CAMSAP1: variants seen among roughly 807,000 people sequenced by gnomAD.
The protein encoded by CAMSAP1 is calmodulin regulated spectrin associated protein 1, also known as calmodulin-regulated spectrin-associated protein 1.
A neutral mutation model predicts 143.5 loss-of-function variants in CAMSAP1; 58 were observed. The observed-to-expected ratio is 0.40, with a 90% CI of 0.33 to 0.50. The LOEUF is 0.50. Among genes scored for constraint, CAMSAP1 ranks in the 20% least tolerant of loss-of-function variants. The pLI is 0.45. For synonymous variants in CAMSAP1, 945 were observed against 859.3 expected (o/e 1.10, Z -1.74); for missense variants, 1,969 against 2,115.7 (o/e 0.93, Z 1.36).
At position 135,882,133 on chromosome 9, in the gene CAMSAP1, G is replaced by A. The variant is rs754258013; in HGVS notation, c.424-339C>T. ...GGAAAGGCGGTGCAGCTCCCAGGTCGTGGTTGTGGGAAGGCAGACAGGAGA... is the reference window on the plus strand; with the variant it reads ...GGAAAGGCGGTGCAGCTCCCAGGTCATGGTTGTGGGAAGGCAGACAGGAGA... On this transcript the variant is annotated intron_variant, in intron 2 of 16. Transcript: ENST00000389532. This position sits in a 1 kb window ranked among gnomAD's most constrained non-coding sequence, Gnocchi z 4.9. 7.9e-5 allele frequency among the ~76,000 whole-genome samples: 12 copies of A among 152,200 alleles called. No individual in the cohort carries two copies. In the East Asian group the frequency reaches 9.6e-4, roughly 12 times the overall value.
At chr9:135,827,733 T>C in intron 7 of CAMSAP1, 149 bp from the exon 8 acceptor site, 1 of 659,114 alleles carries the variant, frequency 1.5e-6, no homozygotes, top group Non-Finnish European at 2.4e-6. Context: ...AACAAATGTA[T>C]TCTGTAATAA....
rs1372141710 is a variant in CAMSAP1 at position 135,870,624 on chromosome 9, A to C, written c.586-4088T>G. Among the ~76,000 whole-genome samples, 4 of 152,076 alleles carry C rather than the reference A, an allele frequency of 2.6e-5. 1 individual carries two copies. The highest frequency in any genetic ancestry group is 5.9e-5 in the Non-Finnish European group (4 of 67,998). ...AGCCTGGCCAACATGGCAAAACCTTATCTCTACAAAAAATAAAAAAATTAC... is the reference window on the plus strand; with the variant it reads ...AGCCTGGCCAACATGGCAAAACCTTCTCTCTACAAAAAATAAAAAAATTAC... On this transcript the variant is annotated intron_variant, in intron 3 of 16. Transcript: ENST00000389532.
At chr9:135,899,070 G>A (rs1466902369) in intron 1 of CAMSAP1, among the ~76,000 whole-genome samples, 2 of 152,202 alleles carry the variant, frequency 1.3e-5, no homozygotes, top group Admixed American at 6.5e-5. Context: ...AGTGAAAGAA[G>A]TCAGATTAGA....
chr9:135,895,014 T>A (rs1339156225), intron 1 of CAMSAP1, among the ~76,000 whole-genome samples: 1 of 152,124 alleles, frequency 6.6e-6, no homozygotes, highest in Non-Finnish European at 1.5e-5. Flanking sequence ...GAAGACAGAA[T>A]CATTGACCTT....
intron 1 of CAMSAP1, among the ~76,000 whole-genome samples, chr9:135,902,785 G>C (rs996640919): frequency 6.6e-6 from 1 of 151,566 alleles, no homozygotes; most frequent in Non-Finnish European, 1.5e-5. Flanking sequence ...GAGGGGATCA[G>C]ACAATTCCTC....
intron 8 of CAMSAP1, among the ~76,000 whole-genome samples, 164 bp downstream of exon 8, chr9:135,827,243 A>G (rs111973865): frequency 5.4e-4 from 83 of 152,372 alleles, no homozygotes; most frequent in Middle Eastern, 3.4e-3. Context: ...CGGCCTCTGG[A>G]AAGGGGACCG....
chr9:135,871,709 G>A (rs910906286), intron 3 of CAMSAP1, among the ~76,000 whole-genome samples: 2 of 151,712 alleles, frequency 1.3e-5, no homozygotes, highest in Admixed American at 6.6e-5. Context: ...CAGGAAGCTC[G>A]CTTGAGGTCA....
chr9:135,818,567 G>A lies in CAMSAP1; in HGVS notation c.4009C>T (p.Arg1337Cys), dbSNP rs1835327619. 2 of 1,613,112 alleles carry A rather than the reference G, an allele frequency of 1.2e-6. No individual in the cohort carries two copies. The highest frequency in any genetic ancestry group is 1.3e-5 in the African/African-American group (1 of 74,928). The change falls in exon 13 of 17, where the codon CGC becomes TGC. Residue 1337 changes from arginine to cysteine, a missense_variant. Physicochemically the swap from Arg to Cys is radical, Grantham distance 180 (BLOSUM62 -3). Around this residue, in one of 4 missense-constraint regions of CAMSAP1, gnomAD observed 1,390 missense variants for 1,420.8 expected, o/e 0.98. Coordinates refer to ENST00000389532, the MANE Select transcript of CAMSAP1 (RefSeq NM_015447.4). The surrounding 1 kb of genome is among the most constrained non-coding windows in gnomAD (Gnocchi z 7.7). ...AGGTACTCCTGCTTGATGAGCTCGC[G>A]CCGCGCCTTCTCCTCCTCCTTCCGC... is the stretch of plus-strand genomic sequence containing the variant. ...RVRKEEEKAR[R>C]ELIKQEYLRR...
At chr9:135,880,375 A>G (rs1837900809) in intron 3 of CAMSAP1, among the ~76,000 whole-genome samples, 1 of 152,038 alleles carries the variant, frequency 6.6e-6, no homozygotes, top group Non-Finnish European at 1.5e-5. Context: ...CAGAGATGCT[A>G]CTGGCTGACA....
intron 7 of CAMSAP1, among the ~76,000 whole-genome samples, chr9:135,840,446 C>A (rs547221738): frequency 6.6e-6 from 1 of 152,132 alleles, no homozygotes; most frequent in East Asian, 1.9e-4. Context: ...TGACTCACGA[C>A]GGGGTCCGAT....
At position 135,882,803 on chromosome 9, in the gene CAMSAP1, G is replaced by A. The variant is rs1277234394; in HGVS notation, c.423+13C>T. The A allele has an allele frequency of 1.2e-5, 18 of 1,545,650 alleles. No individual in the cohort carries two copies. The highest frequency in any genetic ancestry group is 2.4e-5 in the South Asian group (2 of 83,984). ...AGGATGGCCCCTGGGGGCGGCCACC[G>A]CAGACCACTCACCATTTTTATGGGT... On this transcript the variant is annotated intron_variant, in intron 2 of 16. Coordinates refer to ENST00000389532, the MANE Select transcript of CAMSAP1 (RefSeq NM_015447.4). The surrounding 1 kb of genome is among the most constrained non-coding windows in gnomAD (Gnocchi z 4.9).
At chr9:135,825,514 A>C (rs1290188979) in intron 8 of CAMSAP1, among the ~76,000 whole-genome samples, 2 of 152,198 alleles carry the variant, frequency 1.3e-5, no homozygotes, top group East Asian at 3.9e-4. Context: ...TGCACACAGA[A>C]GCATGGGTGT....
chr9:135,830,828 A>C (rs914882977), intron 7 of CAMSAP1, among the ~76,000 whole-genome samples: 4 of 152,208 alleles, frequency 2.6e-5, no homozygotes, highest in African/African-American at 7.2e-5. Context: ...TAAGATCAAA[A>C]TCATGTCATG....
rs1835009341 is a variant in CAMSAP1 at position 135,810,580 on chromosome 9, C to T, written c.*729G>A. 6.6e-6 allele frequency: 1 copy of T among 152,638 alleles called. No homozygotes were observed. Among genetic ancestry groups the T allele is most frequent in the Non-Finnish European group, 1.5e-5 (1 of 68,074 alleles). 9.5% of individuals were successfully genotyped at this position (152,638 alleles called of 1,614,324 possible). A position where few individuals can be genotyped will look rare whatever the true frequency, so the allele number is the denominator to read the frequency against. On this transcript the variant is annotated 3_prime_UTR_variant, in exon 17 of 17. Coordinates refer to ENST00000389532, the MANE Select transcript of CAMSAP1 (RefSeq NM_015447.4). ...ATTCCCCACCCTCATGACCGCGTGC[C>T]AGAAGTCATCATCTTCACATTTGTA...
chr9:135,876,428 A>AAT (rs1837752172), intron 3 of CAMSAP1, among the ~76,000 whole-genome samples: 1 of 152,244 alleles, frequency 6.6e-6, no homozygotes, highest in Non-Finnish European at 1.5e-5. Flanking sequence ...TATTTGAAGC[A>AAT]GCACCTCATA....
intron 1 of CAMSAP1, among the ~76,000 whole-genome samples, chr9:135,901,487 A>G (rs532079712): frequency 1.5e-4 from 23 of 152,072 alleles, no homozygotes; most frequent in Non-Finnish European, 3.2e-4. Context: ...CTGTGGTCCT[A>G]GCTGTGATCC....
intron 1 of CAMSAP1, among the ~76,000 whole-genome samples, chr9:135,902,263 A>G (rs1262165228): frequency 6.6e-6 from 1 of 152,234 alleles, no homozygotes; most frequent in Non-Finnish European, 1.5e-5. Flanking sequence ...ATTTAAATAT[A>G]CAATCTAAAC....
At position 135,850,422 on chromosome 9, in the gene CAMSAP1, A is replaced by T. The variant is rs1336339058; in HGVS notation, c.848T>A (p.Leu283Gln). The T allele has an allele frequency of 6.2e-7, 1 of 1,606,536 alleles. No homozygotes were observed. Among genetic ancestry groups the T allele is most frequent in the South Asian group, 1.1e-5 (1 of 88,988 alleles). The change falls in exon 6 of 17, where the codon CTG becomes CAG. Residue 283 changes from leucine to glutamine, a missense_variant. Physicochemically the swap from Leu to Gln is moderately radical, Grantham distance 113. This residue lies in a region of CAMSAP1 where 221 missense variants were observed against 298.2 expected (regional missense o/e 0.74). Coordinates refer to ENST00000389532, the MANE Select transcript of CAMSAP1 (RefSeq NM_015447.4). ...LKEVTSMADS[L>Q]YNIRLLREFS... ...TTCTCTCAGAAGCCGAATATTATAC[A>T]GACTGTCGGCCATCGACGTTACCTC...
intron 3 of CAMSAP1, among the ~76,000 whole-genome samples, chr9:135,867,865 G>C (rs1837434243): frequency 6.6e-6 from 1 of 152,236 alleles, no homozygotes; most frequent in Non-Finnish European, 1.5e-5. Context: ...TGCTGGAGAA[G>C]AGATGCCAGG....
Sources: allele counts gnomAD v4.1 joint callset (sites outside exome capture counted in the v4.1 genomes callset), GRCh38; gene constraint gnomAD v4.1.1; regional missense constraint gnomAD v4.1.1; non-coding constraint Gnocchi (gnomAD v3.1); transcripts MANE v1.5; gene names NCBI Gene and HGNC (gene_info 2026-07-23, HGNC 2026-07-21).